Variants in GASK1A observed in about 807,000 individuals in gnomAD.
GASK1A encodes the protein Golgi-associated kinase 1A.
In GASK1A, 40 loss-of-function variants were observed where a neutral mutation model predicts 41.2. The observed-to-expected ratio is 0.97, with a 90% CI of 0.75 to 1.27. The LOEUF (loss-of-function observed/expected upper bound fraction) is 1.27, where lower values mean the gene tolerates loss of function less well. GASK1A is among the 50% of genes most tolerant of loss of function. The pLI is 0.00. For missense variants in GASK1A, 678 were observed against 745.1 expected (o/e 0.91, Z 1.05); for synonymous variants, 316 against 307.1 (o/e 1.03, Z -0.30).
rs1208007382 is a variant in GASK1A at position 42,979,633 on chromosome 3, C to T, written c.-10C>T. On this transcript the variant is annotated 5_prime_UTR_variant, in exon 1 of 5. Coordinates refer to ENST00000430121, the MANE Select transcript of GASK1A (RefSeq NM_001129908.3). ...CGCGCCGAGGAGCCGGCCGGGGCAC[C>T]GCCGGGGACATGGTAGGACTCGCGG... 3 of 1,244,340 alleles carry T rather than the reference C, an allele frequency of 2.4e-6. No individual in the cohort carries two copies. The highest frequency in any genetic ancestry group is 1.6e-5 in the African/African-American group (1 of 64,448). The allele number at this position is 1,244,340 out of a possible 1,614,324, so 77.1% of individuals were successfully genotyped here. A position where few individuals can be genotyped will look rare whatever the true frequency, so the allele number is the denominator to read the frequency against.
At position 42,979,521 on chromosome 3, in the gene GASK1A, G is replaced by GAGTAGCC; in HGVS notation, c.-121_-115dup. The GAGTAGCC allele has an allele frequency of 9.1e-7, 1 of 1,101,130 alleles. No individual in the cohort carries two copies. Among genetic ancestry groups the GAGTAGCC allele is most frequent in the East Asian group, 3.2e-5 (1 of 31,104 alleles). The allele number at this position is 1,101,130 out of a possible 1,614,324, so 68.2% of individuals were successfully genotyped here. On this transcript the variant is annotated 5_prime_UTR_variant, in exon 1 of 5. Transcript: ENST00000430121. ...TCAGTCCGGGAAACCCGCCCCAGCCGAGTAGCCGCGCATCCTGGGAAGCCT... is the reference window on the plus strand; with the variant it reads ...TCAGTCCGGGAAACCCGCCCCAGCCGAGTAGCCAGTAGCCGCGCATCCTGGGAAGCCT...
At position 43,042,806 on chromosome 3, in the gene GASK1A, G is replaced by A. The variant is rs375671479; in HGVS notation, c.1290+9253G>A. On this transcript the variant is annotated intron_variant, in intron 2 of 4. Transcript: ENST00000430121. ...AAGCCCATCAGCTGGTCTATTCGCC[G>A]GCTTCCGAAGATGGTGCTGAGGCTT... is the stretch of plus-strand genomic sequence containing the variant. Among the ~76,000 whole-genome samples the A allele has an allele frequency of 5.7e-4, 87 of 152,268 alleles. 1 individual carries two copies. Among genetic ancestry groups the A allele is most frequent in the Middle Eastern group, 6.8e-3 (2 of 294 alleles).
chr3:43,010,284 C>CA (rs1326512723), intron 1 of GASK1A, among the ~76,000 whole-genome samples: 1 of 152,174 alleles, frequency 6.6e-6, no homozygotes, highest in African/African-American at 2.4e-5. Context: ...AACTCGTACT[C>CA]AGATATTACC....
intron 2 of GASK1A, among the ~76,000 whole-genome samples, chr3:43,039,836 C>T (rs181495893): frequency 3.9e-4 from 60 of 152,302 alleles, no homozygotes; most frequent in Non-Finnish European, 5.9e-5. Flanking sequence ...TGGCCTCCAG[C>T]TCCATCCATG....
chr3:43,025,815 G>T (rs2089544529), intron 1 of GASK1A, among the ~76,000 whole-genome samples: 1 of 152,218 alleles, frequency 6.6e-6, no homozygotes, highest in Admixed American at 6.5e-5. Flanking sequence ...ATTGAGGACT[G>T]CTGGTGTAAA....
rs965169925 is a variant in GASK1A, at chr3:42,984,325, T to TCA, written c.3+4692_3+4693dup. ...CTCTCTCTCTCTCTTTCTCTCTCTCTCACACACACACACGCTGACTTTCAC... is the reference window on the plus strand; with the variant it reads ...CTCTCTCTCTCTCTTTCTCTCTCTCTCACACACACACACACGCTGACTTTCAC... On this transcript the variant is annotated intron_variant, in intron 1 of 4. Transcript: ENST00000430121. This position sits in a 1 kb window ranked among gnomAD's most constrained non-coding sequence, Gnocchi z 4.2. 4.0e-5 allele frequency among the ~76,000 whole-genome samples: 6 copies of TCA among 151,856 alleles called. No individual in the cohort carries two copies. The highest frequency in any genetic ancestry group is 3.3e-4 in the Admixed American group (5 of 15,254).
chr3:43,009,423 AAC>A (rs1190719333), intron 1 of GASK1A, among the ~76,000 whole-genome samples: 1 of 152,136 alleles, frequency 6.6e-6, no homozygotes, highest in African/African-American at 2.4e-5. Flanking sequence ...CTTCTGGATA[AAC>A]CCCTGATGGC....
chr3:43,055,958 C>T, intron 4 of GASK1A: 1 of 554,504 alleles, frequency 1.8e-6, no homozygotes, highest in East Asian at 3.0e-5. Context: ...GGATGGGACC[C>T]ATCTGAAAGG....
Position 42,984,774 on chromosome 3 carries a change from T to A in GASK1A, c.3+5129T>A, listed in dbSNP as rs748085087. On this transcript the variant is annotated intron_variant, in intron 1 of 4. Coordinates refer to ENST00000430121, the MANE Select transcript of GASK1A (RefSeq NM_001129908.3). This position sits in a 1 kb window ranked among gnomAD's most constrained non-coding sequence, Gnocchi z 4.2. ...AGAGCAGAAAGCAGGGTCCTTTAAATGAATACTTGGCATGAATGGCATGCA... is the reference window on the plus strand; with the variant it reads ...AGAGCAGAAAGCAGGGTCCTTTAAAAGAATACTTGGCATGAATGGCATGCA... 1.3e-5 allele frequency among the ~76,000 whole-genome samples: 2 copies of A among 152,192 alleles called. No homozygotes were observed. Among genetic ancestry groups the A allele is most frequent in the Non-Finnish European group, 2.9e-5 (2 of 68,032 alleles).
chr3:43,028,988 A>T (rs1463121243), intron 1 of GASK1A, among the ~76,000 whole-genome samples: 2 of 152,234 alleles, frequency 1.3e-5, no homozygotes, highest in East Asian at 3.9e-4. Context: ...GGCTTCACAG[A>T]AGCATTAATG....
chr3:42,994,730 A>G (rs2089360920), intron 1 of GASK1A, among the ~76,000 whole-genome samples: 1 of 152,070 alleles, frequency 6.6e-6, no homozygotes, highest in African/African-American at 2.4e-5. Context: ...AAACTTGTTA[A>G]TTAGGCTTTC....
At chr3:42,985,705 A>T (rs563871765) in intron 1 of GASK1A, among the ~76,000 whole-genome samples, 1 of 152,148 alleles carries the variant, frequency 6.6e-6, no homozygotes, top group East Asian at 1.9e-4. Context: ...GGATAGACCC[A>T]ACCTGAGGAG....
chr3:43,032,698 T>A lies in GASK1A; in HGVS notation c.435T>A (p.Asp145Glu), dbSNP rs1010880648. ...TCCTGAGGGAGGATGAGGTTGGAGA[T>A]CCAGGAACCAAAGACCTGGGCCACC... ...VVLLREDEVG[D>E]PGTKDLGHPQ... Residue 145 changes from aspartate to glutamate, a missense_variant, in exon 2 of 5, where the codon GAT becomes GAA. Physicochemically the swap from Asp to Glu is conservative, Grantham distance 45 (BLOSUM62 2). Coordinates refer to ENST00000430121, the MANE Select transcript of GASK1A (RefSeq NM_001129908.3). 1 of 1,551,606 alleles carries A rather than the reference T, an allele frequency of 6.4e-7. No homozygotes were observed.
intron 1 of GASK1A, among the ~76,000 whole-genome samples, chr3:43,011,727 G>A (rs1310385904): frequency 1.3e-5 from 2 of 151,858 alleles, no homozygotes; most frequent in Non-Finnish European, 2.9e-5. Flanking sequence ...AAGGGGCTAC[G>A]TGACATCACA....
At chr3:42,982,013 A>C (rs1042535503) in intron 1 of GASK1A, among the ~76,000 whole-genome samples, 2 of 152,206 alleles carry the variant, frequency 1.3e-5, no homozygotes, top group African/African-American at 4.8e-5. Flanking sequence ...CTGGGTTAGA[A>C]GTATACAAAT....
chr3:43,017,282 CAGGT>C, intron 1 of GASK1A, among the ~76,000 whole-genome samples: 1 of 150,004 alleles, frequency 6.7e-6, no homozygotes, highest in South Asian at 2.1e-4. Flanking sequence ...TGTGAAGTCA[CAGGT>C]AGAGGCAGTG....
chr3:43,053,563 G>A lies in GASK1A; in HGVS notation c.1333G>A (p.Glu445Lys). 6.4e-7 allele frequency: 1 copy of A among 1,551,676 alleles called. No individual in the cohort carries two copies. The highest frequency in any genetic ancestry group is 1.4e-5 in the African/African-American group (1 of 73,166). Reference protein sequence around the residue: ...LDRYCCGFEPEPSDPCVEERL... With the variant: ...LDRYCCGFEPKPSDPCVEERL... ...TCGCTACTGCTGTGGCTTCGAGCCTGAGCCCTCAGACCCCTGTGTGGAAGA... is the reference window on the plus strand; with the variant it reads ...TCGCTACTGCTGTGGCTTCGAGCCTAAGCCCTCAGACCCCTGTGTGGAAGA... Residue 445 changes from glutamate to lysine, a missense_variant, in exon 3 of 5, where the codon GAG becomes AAG. Glu to Lys is a moderately conservative substitution (Grantham distance 56, BLOSUM62 1). Transcript: ENST00000430121.
intron 1 of GASK1A, among the ~76,000 whole-genome samples, chr3:43,030,883 C>T (rs1275610711): frequency 2.0e-5 from 3 of 152,158 alleles, no homozygotes; most frequent in African/African-American, 7.2e-5. Flanking sequence ...TGAGGATGGA[C>T]TTCACCTACA....
chr3:43,042,840 G>A (rs563964474), intron 2 of GASK1A, among the ~76,000 whole-genome samples: 1 of 152,192 alleles, frequency 6.6e-6, no homozygotes. Flanking sequence ...TTCTGGCCCT[G>A]GGCTTGGGGC....
Sources: gnomAD v4.1 joint callset for allele counts (sites outside exome capture counted in the v4.1 genomes callset) on GRCh38, gnomAD v4.1.1 for gene constraint, Gnocchi (gnomAD v3.1) non-coding constraint, MANE v1.5 for transcripts, NCBI Gene and HGNC (gene_info 2026-07-23, HGNC 2026-07-21) for gene names.